The following CFAP47 variants were observed in gnomAD, a reference collection of about 807,000 sequenced individuals.
The protein encoded by CFAP47 is cilia and flagella associated protein 47, also known as cilia- and flagella-associated protein 47.
A neutral mutation model predicts 148.1 loss-of-function variants in CFAP47; 29 were observed. The observed-to-expected ratio is 0.20, with a 90% confidence interval of 0.15 to 0.27. CFAP47 has a LOEUF of 0.27. Among genes scored for constraint, CFAP47 ranks in the 10% least tolerant of loss-of-function variants. The pLI, the probability that CFAP47 is intolerant of heterozygous loss-of-function variation, is 1.00. For synonymous variants in CFAP47, 664 were observed against 577.3 expected (o/e 1.15, Z -2.15); for missense variants, 1,872 against 1,697.5 (o/e 1.10, Z -1.81).
intron 8 of CFAP47, among the ~76,000 whole-genome samples, chrX:35,962,969 G>GTGTA (rs1021074124): frequency 9.7e-6 from 1 of 103,517 alleles, no homozygotes; most frequent in African/African-American, 3.7e-5. Flanking sequence ...GTGTGTGTGT[G>GTGTA]TGTATGTGTA....
chrX:36,223,657 G>A (rs997881064), intron 45 of CFAP47, among the ~76,000 whole-genome samples: 6 of 111,127 alleles, frequency 5.4e-5, no homozygotes, highest in Non-Finnish European at 9.4e-5. Context: ...TATATTCTAT[G>A]AAGCCCCAAA....
At chrX:36,371,508 T>C (rs782614814) in intron 62 of CFAP47, among the ~76,000 whole-genome samples, 1 of 105,804 alleles carries the variant, frequency 9.5e-6, no homozygotes, top group South Asian at 4.2e-4. Context: ...TGTATATATA[T>C]GTGTATATAT....
At chrX:36,342,564 A>G (rs1336722949) in intron 57 of CFAP47, among the ~76,000 whole-genome samples, 3 of 111,786 alleles carry the variant, frequency 2.7e-5, no homozygotes, top group Non-Finnish European at 5.6e-5. Flanking sequence ...ATAAACCCAA[A>G]TATATATGGA....
intron 46 of CFAP47, among the ~76,000 whole-genome samples, chrX:36,231,239 C>T (rs1940352691): frequency 9.1e-6 from 1 of 109,797 alleles, no homozygotes; most frequent in African/African-American, 3.3e-5. Flanking sequence ...TCTTCCTACC[C>T]ATGAGCATGG....
chrX:36,149,523 C>T (rs1432304071), intron 37 of CFAP47, among the ~76,000 whole-genome samples: 1 of 109,963 alleles, frequency 9.1e-6, no homozygotes, highest in African/African-American at 3.3e-5. Flanking sequence ...CTGTTTCCTG[C>T]AGGAAACTGA....
intron 26 of CFAP47, among the ~76,000 whole-genome samples, chrX:36,055,833 C>G: frequency 8.9e-6 from 1 of 111,861 alleles, no homozygotes; most frequent in South Asian, 3.7e-4. Context: ...TGTTTCTTGA[C>G]TTTTTAATAA....
chrX:36,134,511 T>C (rs890983761), intron 33 of CFAP47, among the ~76,000 whole-genome samples: 2 of 111,086 alleles, frequency 1.8e-5, no homozygotes, highest in Non-Finnish European at 3.8e-5. Context: ...GTTACAAAAG[T>C]GCAAAAGCAA....
At chrX:35,927,154 C>CAA (rs35155006) in intron 2 of CFAP47, among the ~76,000 whole-genome samples, 5 of 88,674 alleles carry the variant, frequency 5.6e-5, no homozygotes, top group Admixed American at 2.5e-4. Context: ...GACCCTATCT[C>CAA]AAAAAAAAAA....
intron 57 of CFAP47, among the ~76,000 whole-genome samples, chrX:36,320,545 C>CCTGCTGT (rs1941470480): frequency 1.8e-5 from 2 of 111,982 alleles, no homozygotes; most frequent in Non-Finnish European, 3.8e-5. Context: ...AAAATAATTG[C>CCTGCTGT]TTAATGGCAT....
At chrX:36,326,974 T>C (rs1556013169) in intron 57 of CFAP47, among the ~76,000 whole-genome samples, 1 of 111,364 alleles carries the variant, frequency 9.0e-6, no homozygotes, top group East Asian at 2.8e-4. Flanking sequence ...ATTAGAGATG[T>C]ATATGTAAGA....
intron 56 of CFAP47, among the ~76,000 whole-genome samples, chrX:36,313,208 A>G (rs1242305024): frequency 9.0e-6 from 1 of 111,574 alleles, no homozygotes; most frequent in Non-Finnish European, 1.9e-5. Flanking sequence ...TGCTATAAAG[A>G]AATACCTGAG....
intron 24 of CFAP47, among the ~76,000 whole-genome samples, chrX:36,038,736 A>C (rs1467356762): frequency 8.9e-6 from 1 of 112,365 alleles, no homozygotes; most frequent in Non-Finnish European, 1.9e-5. Context: ...CCAAATTATG[A>C]AAATCTACAT....
intron 62 of CFAP47, among the ~76,000 whole-genome samples, chrX:36,376,161 A>T (rs1344997260): frequency 8.9e-6 from 1 of 112,280 alleles, no homozygotes; most frequent in Admixed American, 9.5e-5. Context: ...TTCACCAATC[A>T]TCCTGGCTAG....
chrX:36,283,037 A>G (rs886083647), intron 50 of CFAP47, among the ~76,000 whole-genome samples: 1 of 111,208 alleles, frequency 9.0e-6, no homozygotes, highest in Non-Finnish European at 1.9e-5. Context: ...GAATGTATCA[A>G]TTATGTATAT....
At chrX:36,344,988 T>C (rs1602118498) in intron 57 of CFAP47, among the ~76,000 whole-genome samples, 1 of 111,764 alleles carries the variant, frequency 8.9e-6, no homozygotes. Flanking sequence ...AAAGTCACAA[T>C]AGAAAATCTA....
intron 39 of CFAP47, among the ~76,000 whole-genome samples, chrX:36,170,120 A>G (rs917390052): frequency 9.0e-6 from 1 of 111,238 alleles, no homozygotes; most frequent in African/African-American, 3.3e-5. Flanking sequence ...AATGCAACAA[A>G]CTCCACTGAT....
At chrX:35,982,608 G>A (rs1936661762) in intron 15 of CFAP47, among the ~76,000 whole-genome samples, 1 of 111,172 alleles carries the variant, frequency 9.0e-6, no homozygotes, top group South Asian at 3.7e-4. Flanking sequence ...ATTTTAATCT[G>A]TAAGGCATCT....
At position 36,099,695 on chromosome X, in the gene CFAP47, A is replaced by G; in HGVS notation, c.4999-56A>G. The G allele has an allele frequency of 5.6e-6, 3 of 536,723 alleles. No homozygotes were observed. In the South Asian group the frequency reaches 1.1e-4, roughly 19 times the overall value. The allele number at this position is 536,723 out of a possible 1,213,427, so 44.2% of individuals were successfully genotyped here. ...CCACATGTTTTGAAAAAAAAAACTC[A>G]TATGCTAAATTTGCCTTAAATTTTA... On this transcript the variant is annotated intron_variant, in intron 31 of 63. Coordinates refer to ENST00000378653, the MANE Select transcript of CFAP47 (RefSeq NM_001304548.2).
chrX:36,191,893 G>A (rs1013085504), intron 42 of CFAP47, among the ~76,000 whole-genome samples: 3 of 110,790 alleles, frequency 2.7e-5, no homozygotes, highest in Admixed American at 9.7e-5. Flanking sequence ...TGAGGCAGGA[G>A]AATTGCTTGA....
Sources: gnomAD v4.1 joint callset for allele counts (sites outside exome capture counted in the v4.1 genomes callset) on GRCh38, gnomAD v4.1.1 for gene constraint, MANE v1.5 for transcripts, NCBI Gene and HGNC (gene_info 2026-07-23, HGNC 2026-07-21) for gene names.